The following SYT2 variants were observed in gnomAD, a reference collection of about 807,000 sequenced individuals.
SYT2 encodes synaptotagmin 2.
A neutral mutation model predicts 39.9 loss-of-function variants in SYT2; 15 were observed. The observed-to-expected ratio is 0.38, with a 90% CI of 0.25 to 0.58. The LOEUF (loss-of-function observed/expected upper bound fraction) is 0.58. SYT2 is among the 20% of genes least tolerant of loss of function. SYT2 has a pLI of 0.70. For missense variants in SYT2, 389 were observed against 530.3 expected (o/e 0.73, Z 2.62); for synonymous variants, 181 against 204.5 (o/e 0.89, Z 0.98).
At chr1:202,688,152 C>A (rs1156727552) in intron 1 of SYT2, among the ~76,000 whole-genome samples, 1 of 152,158 alleles carries the variant, frequency 6.6e-6, no homozygotes, top group African/African-American at 2.4e-5. Flanking sequence ...AGGACAGGAC[C>A]CAAAATGCTT....
At chr1:202,632,089 A>G (rs1429989738) in intron 1 of SYT2, 2 of 985,244 alleles carry the variant, frequency 2.0e-6, no homozygotes, top group Non-Finnish European at 2.4e-6. Flanking sequence ...GGGGAGAAAC[A>G]AGACAGAAGG....
intron 1 of SYT2, among the ~76,000 whole-genome samples, chr1:202,664,572 T>G (rs1473605114): frequency 6.6e-6 from 1 of 152,186 alleles, no homozygotes; most frequent in African/African-American, 2.4e-5. Flanking sequence ...AAACTGTGAT[T>G]TGGTTCATTG....
At chr1:202,624,562 TTAG>T (rs1691302214) in intron 1 of SYT2, among the ~76,000 whole-genome samples, 2 of 85,820 alleles carry the variant, frequency 2.3e-5, no homozygotes, top group South Asian at 3.7e-4. Flanking sequence ...TGTGTGGTGT[TTAG>T]TAGTGTGTGT....
chr1:202,638,474 G>A (rs1289643096), intron 1 of SYT2, among the ~76,000 whole-genome samples: 1 of 152,236 alleles, frequency 6.6e-6, no homozygotes, highest in Non-Finnish European at 1.5e-5. Context: ...CGCTCAATGG[G>A]CCATCTGCTC....
intron 1 of SYT2, among the ~76,000 whole-genome samples, chr1:202,692,513 C>G (rs747919446): frequency 3.9e-5 from 6 of 152,214 alleles, no homozygotes; most frequent in Non-Finnish European, 7.3e-5. Context: ...CTATCACCTA[C>G]AGGTTAAACT....
intron 1 of SYT2, among the ~76,000 whole-genome samples, chr1:202,647,301 G>A (rs1692104635): frequency 6.6e-6 from 1 of 152,182 alleles, no homozygotes; most frequent in Non-Finnish European, 1.5e-5. Flanking sequence ...TTGCCCATAT[G>A]TTTCCAGGGC....
rs201231352 is a variant in SYT2 at position 202,596,745 on chromosome 1, A to G, written c.*12T>C. 1 of 1,610,420 alleles carries G rather than the reference A, an allele frequency of 6.2e-7. No individual in the cohort carries two copies. The highest frequency in any genetic ancestry group is 2.2e-5 in the East Asian group (1 of 44,792). On this transcript the variant is annotated 3_prime_UTR_variant, in exon 9 of 9. Transcript: ENST00000367268. ...GTGTCCGTGAAAGGTGTGGGGTCCC[A>G]GCCGCTGCTGTCTACTTGTTCTTGC...
At chr1:202,639,061 G>A (rs991915839) in intron 1 of SYT2, among the ~76,000 whole-genome samples, 1 of 152,266 alleles carries the variant, frequency 6.6e-6, no homozygotes, top group South Asian at 2.1e-4. Flanking sequence ...TTTTTTTCAC[G>A]TTTGGCTATC....
intron 1 of SYT2, among the ~76,000 whole-genome samples, chr1:202,681,823 G>A (rs1013571476): frequency 2.6e-5 from 4 of 152,178 alleles, no homozygotes; most frequent in African/African-American, 4.8e-5. Context: ...TCCCAGCACC[G>A]CCTGGCCAGT....
intron 1 of SYT2, among the ~76,000 whole-genome samples, chr1:202,657,707 G>A (rs1000474018): frequency 6.6e-6 from 1 of 151,934 alleles, no homozygotes; most frequent in African/African-American, 2.4e-5. Flanking sequence ...GAAACTGAGT[G>A]CAGTCAGCAT....
At chr1:202,637,609 G>C (rs547844623) in intron 1 of SYT2, among the ~76,000 whole-genome samples, 1 of 152,162 alleles carries the variant, frequency 6.6e-6, no homozygotes, top group Admixed American at 6.5e-5. Flanking sequence ...GAGCTGGCAG[G>C]CTCCGTCTGC....
chr1:202,669,537 G>A (rs1692542464), intron 1 of SYT2, among the ~76,000 whole-genome samples: 1 of 149,516 alleles, frequency 6.7e-6, no homozygotes, highest in African/African-American at 2.5e-5. Context: ...AGGTTGCAGT[G>A]AGCCGAGATC....
chr1:202,667,793 A>G (rs1316186995), intron 1 of SYT2, among the ~76,000 whole-genome samples: 3 of 151,870 alleles, frequency 2.0e-5, no homozygotes, highest in Non-Finnish European at 2.9e-5. Context: ...GCTCATTGCA[A>G]CCTCTGCCTC....
rs1162964121 is a variant in SYT2 at position 202,661,040 on chromosome 1, A to T, written c.-18+49218T>A. Among the ~76,000 whole-genome samples the T allele has an allele frequency of 3.9e-5, 6 of 152,282 alleles. No individual in the cohort carries two copies. The East Asian group carries it at 1.2e-3, about 29-fold the overall frequency. ...TTATTGAGCATCTACTCCACTCCAG[A>T]CATGGCTCCAGGTGCTGGGGACAGA... On this transcript the variant is annotated intron_variant, in intron 1 of 8. Coordinates refer to ENST00000367268, the MANE Select transcript of SYT2 (RefSeq NM_177402.5).
chr1:202,604,309 T>C (rs868346600), intron 3 of SYT2, 146 bp downstream of exon 3: 5 of 765,174 alleles, frequency 6.5e-6, no homozygotes, highest in Middle Eastern at 2.9e-4. Flanking sequence ...GACGGTGTTA[T>C]ACTAGAGATG....
At chr1:202,606,554 G>C (rs1690715958) in intron 1 of SYT2, among the ~76,000 whole-genome samples, 1 of 152,034 alleles carries the variant, frequency 6.6e-6, no homozygotes, top group African/African-American at 2.4e-5. Context: ...TTTCTTCACG[G>C]GCTCCCTCAG....
intron 1 of SYT2, among the ~76,000 whole-genome samples, chr1:202,642,192 T>C (rs1691934106): frequency 6.6e-6 from 1 of 152,106 alleles, no homozygotes; most frequent in Non-Finnish European, 1.5e-5. Flanking sequence ...CAGGTCAGAA[T>C]GGAAGCTTTC....
chr1:202,670,911 A>G (rs1692574189), intron 1 of SYT2, among the ~76,000 whole-genome samples: 2 of 152,342 alleles, frequency 1.3e-5, no homozygotes, highest in South Asian at 4.1e-4. Flanking sequence ...CGACCTGTGG[A>G]TGGGGCTGGA....
In SYT2 at chr1:202,665,021, T is replaced by C. The variant is rs368391772; in HGVS notation, c.-18+45237A>G. On this transcript the variant is annotated intron_variant, in intron 1 of 8. Coordinates refer to ENST00000367268, the MANE Select transcript of SYT2 (RefSeq NM_177402.5). ...TACAGGTAAGAAGAGTTCATTCTTT[T>C]TATTACTGAATATAGTATGCCATTC... Among the ~76,000 whole-genome samples, 372 of 152,348 alleles carry C rather than the reference T, an allele frequency of 2.4e-3. 2 individuals carry two copies. The highest frequency in any genetic ancestry group is 8.6e-3 in the African/African-American group (359 of 41,576).
Sources: gnomAD v4.1 joint callset for allele counts (sites outside exome capture counted in the v4.1 genomes callset) on GRCh38, gnomAD v4.1.1 for gene constraint, MANE v1.5 for transcripts, NCBI Gene and HGNC (gene_info 2026-07-23, HGNC 2026-07-21) for gene names.